The following DLGAP2 variants were observed in gnomAD, a reference collection of about 807,000 sequenced individuals.
DLGAP2 encodes DLG associated protein 2.
DLGAP2 carries 26 observed loss-of-function variants against 100.3 expected under a neutral mutation model. The observed-to-expected ratio is 0.26, with a 90% CI of 0.19 to 0.36. The LOEUF (loss-of-function observed/expected upper bound fraction) is 0.36, where lower values mean the gene tolerates loss of function less well. Ranked by LOEUF, DLGAP2 falls within the 10% of genes least tolerant of loss-of-function variation. The pLI, the probability that DLGAP2 is intolerant of heterozygous loss-of-function variation, is 1.00. For synonymous variants in DLGAP2, 886 were observed against 630.1 expected (o/e 1.41, Z -6.08); for missense variants, 1,858 against 1,453.2 (o/e 1.28, Z -4.53).
chr8:1,492,592 T>TC (rs1428724569), intron 3 of DLGAP2, among the ~76,000 whole-genome samples: 1 of 152,100 alleles, frequency 6.6e-6, no homozygotes. Flanking sequence ...GCGCGGTGAC[T>TC]CCAAGAGCCG....
At chr8:1,436,126 C>CA (rs1441136415) in intron 3 of DLGAP2, among the ~76,000 whole-genome samples, 6 of 152,134 alleles carry the variant, frequency 3.9e-5, no homozygotes, top group African/African-American at 1.4e-4. Flanking sequence ...AGAATTGACT[C>CA]ACAACCACAA....
intron 1 of DLGAP2, among the ~76,000 whole-genome samples, chr8:752,533 C>G (rs896621895): frequency 3.9e-5 from 6 of 152,174 alleles, no homozygotes; most frequent in Non-Finnish European, 5.9e-5. Flanking sequence ...GGTGTGGGGT[C>G]AGCACCAGCC....
At chr8:1,251,991 G>C (rs755786746) in intron 2 of DLGAP2, among the ~76,000 whole-genome samples, 1 of 152,126 alleles carries the variant, frequency 6.6e-6, no homozygotes, top group Non-Finnish European at 1.5e-5. Context: ...TCACACTGTG[G>C]TGTTGTCACG....
chr8:1,337,763 T>A (rs1398796167), intron 3 of DLGAP2, among the ~76,000 whole-genome samples: 2 of 152,078 alleles, frequency 1.3e-5, no homozygotes, highest in Non-Finnish European at 2.9e-5. Context: ...ATACAACCGA[T>A]AAAATGGTAG....
intron 1 of DLGAP2, among the ~76,000 whole-genome samples, chr8:901,451 T>C (rs2128997441): frequency 6.6e-6 from 1 of 152,330 alleles, no homozygotes; most frequent in South Asian, 2.1e-4. Context: ...ACAAAGCAAG[T>C]GTGGAAACAC....
At chr8:1,512,725 A>G (rs113811265) in intron 4 of DLGAP2, among the ~76,000 whole-genome samples, 130 of 152,374 alleles carry the variant, frequency 8.5e-4, no homozygotes, top group African/African-American at 3.0e-3. Context: ...CGCTGTGTCC[A>G]TGGAGTAGAG....
At chr8:1,012,815 C>T (rs1346909079) in intron 2 of DLGAP2, among the ~76,000 whole-genome samples, 1 of 151,574 alleles carries the variant, frequency 6.6e-6, no homozygotes, top group Non-Finnish European at 1.5e-5. Context: ...GACCAGCCCC[C>T]TACTTTCCAG....
chr8:886,127 G>A (rs1280515529), intron 1 of DLGAP2, among the ~76,000 whole-genome samples: 1 of 152,150 alleles, frequency 6.6e-6, no homozygotes, highest in African/African-American at 2.4e-5. Context: ...TTTAGTCTTG[G>A]TAGGGTATAT....
At chr8:1,603,960 A>G (rs1372984026) in intron 6 of DLGAP2, among the ~76,000 whole-genome samples, 1 of 151,748 alleles carries the variant, frequency 6.6e-6, no homozygotes, top group Non-Finnish European at 1.5e-5. Context: ...TCCAACCCCC[A>G]CCTCCCCACA....
At chr8:1,008,887 A>T (rs916425997) in intron 2 of DLGAP2, among the ~76,000 whole-genome samples, 2 of 152,212 alleles carry the variant, frequency 1.3e-5, no homozygotes, top group African/African-American at 4.8e-5. Flanking sequence ...GTGAGACCAC[A>T]TGGCCCCTTC....
intron 2 of DLGAP2, among the ~76,000 whole-genome samples, chr8:1,246,353 T>C (rs1282541749): frequency 6.6e-6 from 1 of 152,228 alleles, no homozygotes; most frequent in Non-Finnish European, 1.5e-5. Context: ...ATGGTGCTTT[T>C]GGAGGCACTA....
At chr8:1,464,314 A>T (rs1205669242) in intron 3 of DLGAP2, among the ~76,000 whole-genome samples, 2 of 109,290 alleles carry the variant, frequency 1.8e-5, no homozygotes, top group East Asian at 2.7e-4. Flanking sequence ...CCCTTCCAGG[A>T]CAACGCCCTT....
At chr8:1,157,091 G>C (rs189478602) in intron 2 of DLGAP2, among the ~76,000 whole-genome samples, 1 of 152,246 alleles carries the variant, frequency 6.6e-6, no homozygotes, top group Admixed American at 6.5e-5. Context: ...AATTACAGAA[G>C]TTTTGACAGA....
intron 2 of DLGAP2, among the ~76,000 whole-genome samples, chr8:1,100,788 A>G (rs946160629): frequency 6.6e-5 from 10 of 152,198 alleles, no homozygotes; most frequent in Non-Finnish European, 1.5e-5. Flanking sequence ...GGGGCTGCTG[A>G]GAAACCGTGT....
chr8:1,248,568 G>C (rs1326293546), intron 2 of DLGAP2: 2 of 147,622 alleles, frequency 1.4e-5, no homozygotes, highest in South Asian at 2.3e-4. Flanking sequence ...AGTCCACGTC[G>C]GTGGCTCGGA....
At chr8:1,033,945 TCA>T (rs1368566353) in intron 2 of DLGAP2, among the ~76,000 whole-genome samples, 3 of 113,984 alleles carry the variant, frequency 2.6e-5, no homozygotes, top group East Asian at 3.0e-4. Context: ...GCGAGTGGAC[TCA>T]CACGCTCATC....
chr8:1,240,200 G>T lies in DLGAP2; in HGVS notation c.74-18651G>T, dbSNP rs1349604709. On this transcript the variant is annotated intron_variant, in intron 2 of 14. Transcript: ENST00000637795. ...TCTCTCACACAGAGTATCGTGTCTA[G>T]TTCTCTCACATGGCACTGTGTCTAG... Among the ~76,000 whole-genome samples, 4 of 135,256 alleles carry T rather than the reference G, an allele frequency of 3.0e-5. No homozygotes were observed. In the East Asian group the frequency reaches 9.4e-4, roughly 32 times the overall value. The allele number at this position is 135,256 out of a possible 152,430, so 88.7% of individuals were successfully genotyped here. A position where few individuals can be genotyped will look rare whatever the true frequency, so the allele number is the denominator to read the frequency against.
intron 2 of DLGAP2, among the ~76,000 whole-genome samples, chr8:1,257,137 C>G (rs1246754230): frequency 6.6e-6 from 1 of 152,140 alleles, no homozygotes; most frequent in African/African-American, 2.4e-5. Context: ...GTCGGGAGAG[C>G]TCAGTAGAGC....
At chr8:1,363,282 C>T (rs1040621227) in intron 3 of DLGAP2, among the ~76,000 whole-genome samples, 6 of 152,116 alleles carry the variant, frequency 3.9e-5, no homozygotes, top group Admixed American at 6.5e-5. Context: ...GGCATGCTTG[C>T]GGCTGTCTCT....
Sources: allele counts gnomAD v4.1 joint callset (sites outside exome capture counted in the v4.1 genomes callset), GRCh38; gene constraint gnomAD v4.1.1; transcripts MANE v1.5; gene names NCBI Gene and HGNC (gene_info 2026-07-23, HGNC 2026-07-21).